The following ENO4 variants were observed in gnomAD, a reference collection of about 807,000 sequenced individuals.
The protein encoded by ENO4 is 2-phospho-D-glycerate hydro-lyase.
In ENO4, 53 loss-of-function variants were observed where a neutral mutation model predicts 63.2. The ratio of observed to expected loss-of-function variants is 0.84; its 90% CI spans 0.67 to 1.05. ENO4 has a LOEUF of 1.05. Among genes scored for constraint, ENO4 ranks in the 50% least tolerant of loss-of-function variants. The probability of loss-of-function intolerance (pLI) is 0.00; values close to 1 mark genes in which losing one functional copy is unlikely to be tolerated. For synonymous variants in ENO4, 266 were observed against 283.8 expected (o/e 0.94, Z 0.63); for missense variants, 719 against 772.0 (o/e 0.93, Z 0.81).
chr10:116,886,197 C>A, downstream of ENO4: 1 of 1,123,964 alleles, frequency 8.9e-7, no homozygotes, highest in Non-Finnish European at 1.2e-6. Flanking sequence ...TTTATAGTTG[C>A]TACTTACAAA....
chr10:116,878,020 C>G (rs996053673), intron 11 of ENO4, among the ~76,000 whole-genome samples: 3 of 152,186 alleles, frequency 2.0e-5, no homozygotes, highest in Admixed American at 2.0e-4. Context: ...AATGAAATGT[C>G]TTCAGCCACT....
chr10:116,869,593 A>G (rs919009915), intron 8 of ENO4, among the ~76,000 whole-genome samples: 1 of 152,210 alleles, frequency 6.6e-6, no homozygotes, highest in African/African-American at 2.4e-5. Flanking sequence ...TCCTGTCAAC[A>G]GTTTGTATAT....
In ENO4 at chr10:116,890,957, C is replaced by T. The variant is rs548671900; in HGVS notation, c.1194+10971C>T. 1.2e-4 allele frequency among the ~76,000 whole-genome samples: 19 copies of T among 152,326 alleles called. No individual in the cohort carries two copies. The East Asian group carries it at 3.7e-3, about 29-fold the overall frequency. On this transcript the variant is annotated intron_variant, in intron 10 of 10. Transcript: ENST00000369207. ...GAAATTCCTTTCAAAATCAACTTTC[C>T]ACGTTCCAACTATATTCAACAACAT...
intron 7 of ENO4, 73 bp from the exon 8 acceptor site, chr10:116,868,577 G>A: frequency 1.6e-6 from 2 of 1,277,156 alleles, no homozygotes; most frequent in African/African-American, 1.5e-5. Flanking sequence ...AGGTCTCAGA[G>A]CAGTAAGCTT....
intron 10 of ENO4, among the ~76,000 whole-genome samples, chr10:116,903,250 C>T (rs1041801406): frequency 2.0e-5 from 3 of 152,128 alleles, no homozygotes; most frequent in Admixed American, 6.6e-5. Flanking sequence ...AGGCCTTTTC[C>T]GGCTGTACGT....
At chr10:116,856,350 AT>A (rs2133248254) in intron 2 of ENO4, 141 bp from the exon 3 acceptor site, 1 of 693,372 alleles carries the variant, frequency 1.4e-6, no homozygotes, top group Non-Finnish European at 2.3e-6. Context: ...AGCTATAAAA[AT>A]ATCTCAAAGA....
At chr10:116,886,836 CT>C (rs1847179675), downstream of ENO4, among the ~76,000 whole-genome samples, 1 of 152,200 alleles carries the variant, frequency 6.6e-6, no homozygotes, top group African/African-American at 2.4e-5. Context: ...CACCTACCTG[CT>C]TAATTGCATT....
chr10:116,889,802 A>G (rs1847279696), intron 10 of ENO4, among the ~76,000 whole-genome samples: 1 of 152,112 alleles, frequency 6.6e-6, no homozygotes, highest in Non-Finnish European at 1.5e-5. Flanking sequence ...CATCTTCCAG[A>G]TCTGTAAATA....
At chr10:116,894,576 A>G (rs569086316) in intron 10 of ENO4, among the ~76,000 whole-genome samples, 20 of 152,340 alleles carry the variant, frequency 1.3e-4, no homozygotes, top group African/African-American at 4.8e-4. Flanking sequence ...GAGAATGACC[A>G]AGACGACACA....
At chr10:116,863,597 A>G (rs1846475290) in intron 7 of ENO4, among the ~76,000 whole-genome samples, 1 of 152,294 alleles carries the variant, frequency 6.6e-6, no homozygotes, top group Middle Eastern at 3.4e-3. Flanking sequence ...ATTTAGCCTG[A>G]GGCTTTTAAG....
At chr10:116,854,500 C>T (rs550867271) in intron 1 of ENO4, among the ~76,000 whole-genome samples, 9 of 149,104 alleles carry the variant, frequency 6.0e-5, no homozygotes, top group African/African-American at 2.2e-4. Flanking sequence ...GCAGAGGTTG[C>T]GGTGAGCAGA....
At chr10:116,853,643 T>A (rs1846160065) in intron 1 of ENO4, among the ~76,000 whole-genome samples, 1 of 152,224 alleles carries the variant, frequency 6.6e-6, no homozygotes, top group African/African-American at 2.4e-5. Flanking sequence ...AGGTGCTTGG[T>A]GCTTGTTAAA....
chr10:116,852,164 A>T (rs572877466), intron 1 of ENO4, among the ~76,000 whole-genome samples: 2 of 152,236 alleles, frequency 1.3e-5, no homozygotes, highest in African/African-American at 4.8e-5. Context: ...TCCCGCCCTC[A>T]TGTGAAGAAG....
intron 10 of ENO4, among the ~76,000 whole-genome samples, chr10:116,907,258 C>T (rs1205222199): frequency 6.6e-6 from 1 of 152,156 alleles, no homozygotes; most frequent in Non-Finnish European, 1.5e-5. Context: ...GCACATAATG[C>T]TCTCCAGGGG....
At chr10:116,876,525 T>C (rs1239027103) in intron 11 of ENO4, among the ~76,000 whole-genome samples, 2 of 152,248 alleles carry the variant, frequency 1.3e-5, no homozygotes, top group African/African-American at 4.8e-5. Flanking sequence ...CCCTGTCAAC[T>C]TCACAGTGGG....
chr10:116,896,187 A>G (rs1230629645), intron 10 of ENO4, among the ~76,000 whole-genome samples: 1 of 152,184 alleles, frequency 6.6e-6, no homozygotes, highest in African/African-American at 2.4e-5. Flanking sequence ...TTCCTTTATT[A>G]TACCTATATC....
At position 116,854,473 on chromosome 10, in the gene ENO4, T is replaced by C. The variant is rs1163043670; in HGVS notation, c.166-1150T>C. On this transcript the variant is annotated intron_variant, in intron 1 of 13. Coordinates refer to ENST00000341276, the MANE Select transcript of ENO4 (RefSeq NM_001242699.2). ...TACTCGGAAGGCTGAGGCAGGAGAATCGCTTGAACCCAGGAGGCAGAGGTT... is the reference window on the plus strand; with the variant it reads ...TACTCGGAAGGCTGAGGCAGGAGAACCGCTTGAACCCAGGAGGCAGAGGTT... 2.7e-5 allele frequency among the ~76,000 whole-genome samples: 4 copies of C among 150,756 alleles called. No homozygotes were observed. In the East Asian group the frequency reaches 7.8e-4, roughly 29 times the overall value.
At chr10:116,874,293 T>C in intron 10 of ENO4, 92 bp downstream of exon 10, 1 of 1,006,074 alleles carries the variant, frequency 9.9e-7, no homozygotes, top group African/African-American at 1.6e-5. Context: ...TCACCTTTTA[T>C]ATTTATAACA....
chr10:116,893,951 A>C (rs1233568474), intron 10 of ENO4, among the ~76,000 whole-genome samples: 2 of 152,250 alleles, frequency 1.3e-5, no homozygotes, highest in Non-Finnish European at 2.9e-5. Flanking sequence ...CCAGTAAATT[A>C]AAAAGCAGTA....
Sources: allele counts gnomAD v4.1 joint callset (sites outside exome capture counted in the v4.1 genomes callset), GRCh38; gene constraint gnomAD v4.1.1; transcripts MANE v1.5; gene names NCBI Gene and HGNC (gene_info 2026-07-23, HGNC 2026-07-21).